The following HHAT variants were observed in gnomAD, a reference collection of about 807,000 sequenced individuals.
HHAT encodes hedgehog acyltransferase.
Under a neutral mutation model 70.8 loss-of-function variants are expected in HHAT, and 47 were observed. The observed-to-expected ratio is 0.66, with a 90% CI of 0.53 to 0.85. The LOEUF (loss-of-function observed/expected upper bound fraction) is 0.85, where lower values mean the gene tolerates loss of function less well. Ranked by LOEUF, HHAT falls within the 40% of genes least tolerant of loss-of-function variation. HHAT has a pLI of 0.00. For synonymous variants in HHAT, 228 were observed against 247.6 expected, an observed-to-expected ratio of 0.92 and a Z score of 0.74; for missense variants, 609 against 604.8, an observed-to-expected ratio of 1.01 and a Z score of -0.07.
In HHAT at chr1:210,356,638, C is replaced by A. The variant is rs144731519; in HGVS notation, c.92-6214C>A. Among the ~76,000 whole-genome samples the A allele has an allele frequency of 2.7e-3, 418 of 152,348 alleles. 6 individuals carry two copies. Among genetic ancestry groups the A allele is most frequent in the African/African-American group, 9.7e-3 (403 of 41,590 alleles). ...TATAAACCTGTGGCCTTCATTATTA[C>A]TAAGCTCGATTTATGAAGAAAGGAT... is the stretch of plus-strand genomic sequence containing the variant. On this transcript the variant is annotated intron_variant, in intron 2 of 11. Transcript: ENST00000261458.
At chr1:210,637,590 G>A (rs1420954479) in intron 11 of HHAT, among the ~76,000 whole-genome samples, 1 of 152,150 alleles carries the variant, frequency 6.6e-6, no homozygotes, top group African/African-American at 2.4e-5. Context: ...AACCGGGCAT[G>A]GTGGCTCACA....
At chr1:210,645,317 G>A (rs145186437) in intron 11 of HHAT, among the ~76,000 whole-genome samples, 4 of 152,032 alleles carry the variant, frequency 2.6e-5, no homozygotes, top group Non-Finnish European at 4.4e-5. Context: ...TCTCTCTGTC[G>A]CCCAGGCTGA....
chr1:210,383,657 C>G (rs533041700), intron 3 of HHAT, among the ~76,000 whole-genome samples: 3 of 152,240 alleles, frequency 2.0e-5, no homozygotes, highest in African/African-American at 7.2e-5. Flanking sequence ...AATGTAGGTT[C>G]ACCAGTTGGA....
chr1:210,525,815 G>T (rs1308812818), intron 9 of HHAT, among the ~76,000 whole-genome samples: 2 of 152,192 alleles, frequency 1.3e-5, no homozygotes, highest in East Asian at 3.9e-4. Context: ...AGTTTTAAAT[G>T]TAAAAAGCTC....
At position 210,404,541 on chromosome 1, in the gene HHAT, C is replaced by G. The variant is rs200336367; in HGVS notation, c.546C>G (p.Ser182Arg). The change falls in exon 6 of 12, where the codon AGC becomes AGG. Residue 182 changes from serine to arginine, a missense_variant. By Grantham distance (110) the Ser-to-Arg change is moderately radical (BLOSUM62 -1). Transcript: ENST00000261458. ...CCGTTCGCTGCCTGTACTACACCAG[C>G]TTCAGCCTGGAGCTCTGCTGGCAGC... Reference protein sequence around the residue: ...TLTVRCLYYTSFSLELCWQQL... With the variant: ...TLTVRCLYYTRFSLELCWQQL... 6.2e-7 allele frequency: 1 copy of G among 1,613,952 alleles called. No individual in the cohort carries two copies. The highest frequency in any genetic ancestry group is 2.2e-5 in the East Asian group (1 of 44,884).
intron 8 of HHAT, among the ~76,000 whole-genome samples, chr1:210,476,314 A>G (rs2094306114): frequency 6.6e-6 from 1 of 152,222 alleles, no homozygotes; most frequent in Non-Finnish European, 1.5e-5. Flanking sequence ...ATACTGTCCA[A>G]CTGCTTACCT....
At chr1:210,646,574 C>G (rs1674116089) in intron 11 of HHAT, among the ~76,000 whole-genome samples, 1 of 152,186 alleles carries the variant, frequency 6.6e-6, no homozygotes, top group Non-Finnish European at 1.5e-5. Context: ...GAAAGAAAAA[C>G]TGTGTTTCTT....
intron 6 of HHAT, among the ~76,000 whole-genome samples, chr1:210,410,185 T>G (rs1446957316): frequency 6.6e-6 from 1 of 151,910 alleles, no homozygotes; most frequent in Non-Finnish European, 1.5e-5. Context: ...CCCGAGTAGC[T>G]GGGCCTACAG....
chr1:210,394,476 C>T (rs1997783), intron 4 of HHAT, among the ~76,000 whole-genome samples: 8,267 of 152,150 alleles, frequency 0.054, 263 homozygotes, highest in South Asian at 0.083. Context: ...CTTTCATGAA[C>T]GCCAACTGTG....
chr1:210,580,965 C>A (rs921194952), intron 9 of HHAT, among the ~76,000 whole-genome samples: 2 of 152,172 alleles, frequency 1.3e-5, no homozygotes, highest in African/African-American at 4.8e-5. Flanking sequence ...ATTCCTCTTT[C>A]TCCACAGCCT....
chr1:210,578,714 C>T (rs1453696876), intron 9 of HHAT, among the ~76,000 whole-genome samples: 1 of 152,096 alleles, frequency 6.6e-6, no homozygotes, highest in African/African-American at 2.4e-5. Context: ...GTGAGATAAG[C>T]CTGTAACAGA....
Position 210,476,587 on chromosome 1 carries a change from T to G in HHAT, c.1007+11932T>G, listed in dbSNP as rs553222171. Among the ~76,000 whole-genome samples, 24 of 152,344 alleles carry G rather than the reference T, an allele frequency of 1.6e-4. No individual in the cohort carries two copies. The East Asian group carries it at 4.6e-3, about 29-fold the overall frequency. ...CTCCATGACTTGGGTGCTGGCTTTTTAGTACCATAGGGCACACTCTCTGGA... is the reference window on the plus strand; with the variant it reads ...CTCCATGACTTGGGTGCTGGCTTTTGAGTACCATAGGGCACACTCTCTGGA... On this transcript the variant is annotated intron_variant, in intron 8 of 11. Coordinates refer to ENST00000261458, the MANE Select transcript of HHAT (RefSeq NM_018194.6).
chr1:210,498,232 C>A (rs1297006980), intron 8 of HHAT, among the ~76,000 whole-genome samples: 1 of 152,082 alleles, frequency 6.6e-6, no homozygotes, highest in Non-Finnish European at 1.5e-5. Context: ...GTTTGGGGTA[C>A]AATATGCAAA....
At chr1:210,464,276 C>G (rs192531131) in intron 7 of HHAT, among the ~76,000 whole-genome samples, 6 of 152,178 alleles carry the variant, frequency 3.9e-5, no homozygotes, top group African/African-American at 1.4e-4. Flanking sequence ...AAGCATGACT[C>G]CTAAGAGGTC....
intron 11 of HHAT, among the ~76,000 whole-genome samples, chr1:210,655,013 C>T (rs952052939): frequency 6.6e-6 from 1 of 152,198 alleles, no homozygotes; most frequent in Admixed American, 6.5e-5. Context: ...AGGCTGGTTC[C>T]ACGTCCCGAA....
intron 9 of HHAT, among the ~76,000 whole-genome samples, chr1:210,529,031 G>A (rs527337491): frequency 2.6e-5 from 4 of 152,304 alleles, no homozygotes; most frequent in South Asian, 2.1e-4. Flanking sequence ...AAGGCTGGGC[G>A]TGGTGGCTCA....
At chr1:210,499,375 G>A (rs944178147) in intron 8 of HHAT, among the ~76,000 whole-genome samples, 1 of 152,136 alleles carries the variant, frequency 6.6e-6, no homozygotes, top group African/African-American at 2.4e-5. Flanking sequence ...CATGGCTCAC[G>A]CCTGTAATCC....
intron 9 of HHAT, among the ~76,000 whole-genome samples, chr1:210,580,923 C>T (rs149928285): frequency 2.6e-5 from 4 of 152,306 alleles, no homozygotes; most frequent in East Asian, 3.9e-4. Context: ...GATGGTTGAA[C>T]TAATTTACAT....
chr1:210,373,129 A>T (rs934822813), intron 3 of HHAT, among the ~76,000 whole-genome samples: 6 of 152,168 alleles, frequency 3.9e-5, no homozygotes, highest in Non-Finnish European at 8.8e-5. Flanking sequence ...TTTCAATGTT[A>T]AGAACTGTCC....
Sources: gnomAD v4.1 joint callset for allele counts (sites outside exome capture counted in the v4.1 genomes callset) on GRCh38, gnomAD v4.1.1 for gene constraint, MANE v1.5 for transcripts, NCBI Gene and HGNC (gene_info 2026-07-23, HGNC 2026-07-21) for gene names.